TMTC2: variants seen among roughly 807,000 people sequenced by gnomAD.
The protein encoded by TMTC2 is transmembrane O-mannosyltransferase targeting cadherins 2.
A neutral mutation model predicts 82.4 loss-of-function variants in TMTC2; 43 were observed. The observed-to-expected ratio is 0.52, with a 90% CI of 0.41 to 0.67. The LOEUF is 0.67. Among genes scored for constraint, TMTC2 ranks in the 30% least tolerant of loss-of-function variants. The pLI, the probability that TMTC2 is intolerant of heterozygous loss-of-function variation, is 0.00. For synonymous variants in TMTC2, 408 were observed against 381.9 expected (o/e 1.07, Z -0.80); for missense variants, 919 against 1,012.4 (o/e 0.91, Z 1.25).
chr12:83,092,484 T>G (rs1883877065), intron 11 of TMTC2, among the ~76,000 whole-genome samples: 1 of 152,162 alleles, frequency 6.6e-6, no homozygotes, highest in Admixed American at 6.5e-5. Context: ...ATTATGCCCC[T>G]GAATCTAGCC....
At chr12:82,807,889 A>G (rs896437007) in intron 1 of TMTC2, among the ~76,000 whole-genome samples, 2 of 152,076 alleles carry the variant, frequency 1.3e-5, no homozygotes, top group Admixed American at 6.5e-5. Flanking sequence ...TAGATGGATG[A>G]TTAGAAGACA....
intron 2 of TMTC2, among the ~76,000 whole-genome samples, chr12:82,880,699 A>T (rs896753665): frequency 6.6e-6 from 1 of 152,186 alleles, no homozygotes; most frequent in African/African-American, 2.4e-5. Flanking sequence ...TCAGTTAGGG[A>T]GAGTTCACTA....
intron 11 of TMTC2, among the ~76,000 whole-genome samples, chr12:83,119,771 GTC>G (rs1488671679): frequency 6.6e-6 from 1 of 152,054 alleles, no homozygotes; most frequent in African/African-American, 2.4e-5. Context: ...CTGTGTTACT[GTC>G]TCTCTCATTT....
chr12:82,835,520 T>C (rs1461779276), intron 1 of TMTC2, among the ~76,000 whole-genome samples: 1 of 152,228 alleles, frequency 6.6e-6, no homozygotes, highest in South Asian at 2.1e-4. Context: ...AACTTAGCTT[T>C]GTTTAACTTC....
intron 11 of TMTC2, among the ~76,000 whole-genome samples, chr12:83,099,420 A>G (rs1884139242): frequency 6.6e-6 from 1 of 152,206 alleles, no homozygotes; most frequent in Non-Finnish European, 1.5e-5. Flanking sequence ...TGCATTTTAA[A>G]TGTACACTTG....
At chr12:82,791,344 T>C (rs1381478350) in intron 1 of TMTC2, among the ~76,000 whole-genome samples, 1 of 152,096 alleles carries the variant, frequency 6.6e-6, no homozygotes, top group Non-Finnish European at 1.5e-5. Flanking sequence ...CTTGTCTGTA[T>C]TCTCTGCTAC....
intron 1 of TMTC2, among the ~76,000 whole-genome samples, chr12:82,793,532 G>T (rs117287131): frequency 0.049 from 7,485 of 151,990 alleles, 249 homozygotes; most frequent in Middle Eastern, 0.13. Flanking sequence ...ATATGTAGAA[G>T]AACATGCTTT....
chr12:82,731,113 T>C (rs1206222243), intron 1 of TMTC2, among the ~76,000 whole-genome samples: 1 of 152,212 alleles, frequency 6.6e-6, no homozygotes, highest in Non-Finnish European at 1.5e-5. Context: ...GTTTATACAT[T>C]CAACAAATGA....
intron 8 of TMTC2, among the ~76,000 whole-genome samples, chr12:82,999,537 T>C (rs1179781492): frequency 2.6e-5 from 4 of 151,934 alleles, no homozygotes; most frequent in Non-Finnish European, 4.4e-5. Context: ...AATGGACTTA[T>C]AGTTCCACAT....
intron 8 of TMTC2, among the ~76,000 whole-genome samples, chr12:83,015,673 A>G (rs1160670597): frequency 6.6e-6 from 1 of 152,150 alleles, no homozygotes; most frequent in Non-Finnish European, 1.5e-5. Context: ...TTTTCCTGTA[A>G]GTGGCCCACA....
At chr12:82,919,730 T>C (rs766971493) in intron 3 of TMTC2, among the ~76,000 whole-genome samples, 1 of 152,132 alleles carries the variant, frequency 6.6e-6, no homozygotes, top group Non-Finnish European at 1.5e-5. Flanking sequence ...CATAACCCAG[T>C]AGGGAAAACA....
chr12:82,843,398 T>G (rs1361115460), intron 1 of TMTC2, among the ~76,000 whole-genome samples: 1 of 152,030 alleles, frequency 6.6e-6, no homozygotes, highest in Non-Finnish European at 1.5e-5. Flanking sequence ...GACTCTTACT[T>G]TCCAGTGTCC....
chr12:83,120,272 T>C (rs1884906799), intron 11 of TMTC2, among the ~76,000 whole-genome samples: 1 of 152,170 alleles, frequency 6.6e-6, no homozygotes, highest in African/African-American at 2.4e-5. Flanking sequence ...TTTAAAGAGG[T>C]TCTGTTTTGG....
intron 10 of TMTC2, 26 bp from the exon 11 acceptor site, chr12:83,061,742 G>C: frequency 1.3e-6 from 2 of 1,555,612 alleles, no homozygotes; most frequent in Non-Finnish European, 1.7e-6. Flanking sequence ...ATATGATATA[G>C]TTTTATTTTA....
intron 2 of TMTC2, among the ~76,000 whole-genome samples, chr12:82,865,965 A>T (rs369174346): frequency 6.6e-6 from 1 of 152,226 alleles, no homozygotes; most frequent in African/African-American, 2.4e-5. Flanking sequence ...GAAACCAATG[A>T]GAACAAAGAC....
At chr12:82,876,169 T>TGGTGGTGG (rs1565789068) in intron 2 of TMTC2, among the ~76,000 whole-genome samples, 3 of 119,696 alleles carry the variant, frequency 2.5e-5, no homozygotes, top group African/African-American at 1.6e-4. Context: ...GGTGGTAGTG[T>TGGTGGTGG]TGTTGATCGG....
At chr12:82,997,690 T>C (rs1262081959) in intron 8 of TMTC2, among the ~76,000 whole-genome samples, 1 of 151,634 alleles carries the variant, frequency 6.6e-6, no homozygotes, top group Non-Finnish European at 1.5e-5. Context: ...TTTGCTTTGA[T>C]AGGAATTATC....
chr12:82,905,834 A>G (rs1252272769), intron 3 of TMTC2, among the ~76,000 whole-genome samples: 1 of 151,624 alleles, frequency 6.6e-6, no homozygotes, highest in East Asian at 1.9e-4. Flanking sequence ...ATTCCCAGCT[A>G]CTCGGGAGGC....
At chr12:83,071,955 C>T (rs1883134297) in intron 11 of TMTC2, among the ~76,000 whole-genome samples, 1 of 152,020 alleles carries the variant, frequency 6.6e-6, no homozygotes. Context: ...TTCAAAGAAC[C>T]AGCATTCTGT....
Sources: allele counts gnomAD v4.1 joint callset (sites outside exome capture counted in the v4.1 genomes callset), GRCh38; gene constraint gnomAD v4.1.1; transcripts MANE v1.5; gene names NCBI Gene and HGNC (gene_info 2026-07-23, HGNC 2026-07-21).